The following DOCK8 variants were observed in gnomAD, a reference collection of about 807,000 sequenced individuals.
DOCK8 encodes the protein dedicator of cytokinesis protein 8.
A neutral mutation model predicts 245.6 loss-of-function variants in DOCK8; 141 were observed. The observed-to-expected ratio is 0.57, with a 90% CI of 0.50 to 0.66. The LOEUF is 0.66. DOCK8 is among the 30% of genes least tolerant of loss of function. DOCK8 has a pLI of 0.00. For missense variants in DOCK8, 2,965 were observed against 2,603.4 expected, an observed-to-expected ratio of 1.14 and a Z score of -3.02; for synonymous variants, 1,168 against 970.2, an observed-to-expected ratio of 1.20 and a Z score of -3.79.
intron 4 of DOCK8, among the ~76,000 whole-genome samples, chr9:295,667 A>G (rs531721579): frequency 6.6e-6 from 1 of 152,282 alleles, no homozygotes; most frequent in East Asian, 1.9e-4. Flanking sequence ...GCAGTCAAAC[A>G]CTGATTTAGT....
At position 347,862 on chromosome 9, in the gene DOCK8, G is replaced by A. The variant is rs1344175095; in HGVS notation, c.1679+7541G>A. 4.6e-5 allele frequency among the ~76,000 whole-genome samples: 7 copies of A among 152,240 alleles called. No homozygotes were observed. In the East Asian group the frequency reaches 5.8e-4, roughly 13 times the overall value. On this transcript the variant is annotated intron_variant, in intron 14 of 47. Transcript: ENST00000432829. ...CTAAGGTTATGACAGCAAAGCTACCGTTCCAGTATAATATTCAGCCACTAG... is the reference window on the plus strand; with the variant it reads ...CTAAGGTTATGACAGCAAAGCTACCATTCCAGTATAATATTCAGCCACTAG...
At chr9:452,524 A>C (rs2057501793) in intron 46 of DOCK8, 1 of 164,674 alleles carries the variant, frequency 6.1e-6, no homozygotes, top group African/African-American at 2.4e-5. Flanking sequence ...AAGGTCACAC[A>C]GACAGTTGGC....
chr9:283,963 C>A (rs1374360945), intron 2 of DOCK8, among the ~76,000 whole-genome samples: 1 of 152,194 alleles, frequency 6.6e-6, no homozygotes, highest in Non-Finnish European at 1.5e-5. Flanking sequence ...GCATACCTCA[C>A]AGGGTTATAG....
intron 33 of DOCK8, among the ~76,000 whole-genome samples, chr9:424,415 C>G (rs1289908136): frequency 2.7e-5 from 4 of 148,622 alleles, no homozygotes; most frequent in Admixed American, 2.0e-4. Context: ...TTTTTTTTTT[C>G]TTTTCTTTTT....
chr9:417,883 G>A (rs1643255780), intron 29 of DOCK8, among the ~76,000 whole-genome samples, 185 bp from the exon 30 acceptor site: 1 of 152,230 alleles, frequency 6.6e-6, no homozygotes, highest in South Asian at 2.1e-4. Context: ...CTAATCTTGT[G>A]CTAGACATTG....
At chr9:319,648 A>G (rs970001665) in intron 7 of DOCK8, among the ~76,000 whole-genome samples, 1 of 152,178 alleles carries the variant, frequency 6.6e-6, no homozygotes, top group Admixed American at 6.5e-5. Context: ...ATAATACTAC[A>G]TGTTTTAGCC....
intron 25 of DOCK8, among the ~76,000 whole-genome samples, chr9:397,819 C>G (rs1365013678): frequency 6.6e-6 from 1 of 152,158 alleles, no homozygotes; most frequent in Non-Finnish European, 1.5e-5. Flanking sequence ...TTTTTATGTT[C>G]ATAGAATGAT....
At chr9:374,505 AGGCT>A (rs2053440094) in intron 18 of DOCK8, among the ~76,000 whole-genome samples, 1 of 122,982 alleles carries the variant, frequency 8.1e-6, no homozygotes, top group South Asian at 2.6e-4. Flanking sequence ...TCTGTCACTC[AGGCT>A]GGAGTGCAGT....
intron 36 of DOCK8, among the ~76,000 whole-genome samples, 189 bp from the exon 37 acceptor site, chr9:431,977 A>T (rs1308315179): frequency 6.6e-6 from 1 of 152,210 alleles, no homozygotes; most frequent in African/African-American, 2.4e-5. Flanking sequence ...TGTCCATTTA[A>T]ACCATTTAAA....
At chr9:323,552 C>G (rs896709674) in intron 7 of DOCK8, among the ~76,000 whole-genome samples, 1 of 152,128 alleles carries the variant, frequency 6.6e-6, no homozygotes, top group Non-Finnish European at 1.5e-5. Flanking sequence ...TTTTAAGGTA[C>G]AGTTCAGTGG....
Position 414,961 on chromosome 9 carries a change from C to T in DOCK8, c.3700+10C>T, listed in dbSNP as rs530149048. The T allele has an allele frequency of 2.5e-6, 4 of 1,612,672 alleles. No homozygotes were observed. Among genetic ancestry groups the T allele is most frequent in the Admixed American group, 1.7e-5 (1 of 59,998 alleles). On this transcript the variant is annotated intron_variant, in intron 29 of 47. Coordinates refer to ENST00000432829, the MANE Select transcript of DOCK8 (RefSeq NM_203447.4). The stretch of plus-strand genomic sequence containing the variant: ...CTCTGTGACTTTACAGGTAATGGCC[C>T]TTCTGTTTTCTTTCTTGGATTGTTG...
chr9:358,639 A>G (rs2052566103), intron 14 of DOCK8, among the ~76,000 whole-genome samples: 1 of 150,626 alleles, frequency 6.6e-6, no homozygotes, highest in Non-Finnish European at 1.5e-5. Context: ...ACTTGAGGTC[A>G]GGAGTTCAAG....
intron 1 of DOCK8, among the ~76,000 whole-genome samples, chr9:229,495 G>T (rs1017171691): frequency 6.6e-6 from 1 of 152,172 alleles, no homozygotes; most frequent in Non-Finnish European, 1.5e-5. Context: ...TTGCAGAGCT[G>T]TCTGGTCCAG....
chr9:319,389 G>T lies in DOCK8; in HGVS notation c.827+2261G>T, dbSNP rs938776771. On this transcript the variant is annotated intron_variant, in intron 7 of 47. Transcript: ENST00000432829. ...GCCAAAGCAGAAATTAAGTCGAATT[G>T]ACATATTTGCCAGGTGCACTTGGCC... is the stretch of plus-strand genomic sequence containing the variant. 3.3e-5 allele frequency among the ~76,000 whole-genome samples: 5 copies of T among 152,186 alleles called. No homozygotes were observed. The South Asian group carries it at 1.0e-3, about 32-fold the overall frequency.
intron 40 of DOCK8, 44 bp downstream of exon 40, chr9:439,432 C>T (rs2057015579): frequency 6.2e-7 from 1 of 1,607,088 alleles, no homozygotes; most frequent in South Asian, 1.1e-5. Flanking sequence ...TCCCATACTC[C>T]AGCTGGACTT....
intron 11 of DOCK8, among the ~76,000 whole-genome samples, chr9:335,081 CA>C (rs921432274): frequency 1.4e-5 from 2 of 147,920 alleles, no homozygotes; most frequent in Non-Finnish European, 3.0e-5. Flanking sequence ...GACTTTGTCT[CA>C]AAAAAAAAGA....
intron 1 of DOCK8, among the ~76,000 whole-genome samples, chr9:233,584 T>A (rs2047172591): frequency 1.3e-5 from 2 of 151,832 alleles, no homozygotes; most frequent in South Asian, 4.1e-4. Context: ...GGTGCTCCTG[T>A]ATTGGGTGCA....
chr9:239,825 T>A (rs1360816935), intron 1 of DOCK8, among the ~76,000 whole-genome samples: 1 of 152,200 alleles, frequency 6.6e-6, no homozygotes, highest in East Asian at 1.9e-4. Context: ...CTTTTTTATT[T>A]AAAAAATATC....
At chr9:311,486 C>G (rs2050110656) in intron 5 of DOCK8, among the ~76,000 whole-genome samples, 3 of 151,154 alleles carry the variant, frequency 2.0e-5, no homozygotes, top group Admixed American at 2.0e-4. Context: ...CTCCCGGCCT[C>G]AAGCAGTCCT....
Sources: gnomAD v4.1 joint callset for allele counts (sites outside exome capture counted in the v4.1 genomes callset) on GRCh38, gnomAD v4.1.1 for gene constraint, MANE v1.5 for transcripts, NCBI Gene and HGNC (gene_info 2026-07-23, HGNC 2026-07-21) for gene names.